The following ROBO2 variants were observed in gnomAD, a reference collection of about 807,000 sequenced individuals.
ROBO2 encodes the protein roundabout homolog 2.
In ROBO2, 53 loss-of-function variants were observed where a neutral mutation model predicts 160.8. The ratio of observed to expected loss-of-function variants is 0.33; its 90% CI spans 0.26 to 0.41. The LOEUF (loss-of-function observed/expected upper bound fraction) is 0.41. Ranked by LOEUF, ROBO2 falls within the 10% of genes least tolerant of loss-of-function variation. ROBO2 has a pLI of 1.00. For missense variants in ROBO2, 1,577 were observed against 1,722.4 expected (o/e 0.92, Z 1.49); for synonymous variants, 664 against 611.7 (o/e 1.09, Z -1.26).
chr3:76,472,863 C>T (rs1236591366), intron 2 of ROBO2, among the ~76,000 whole-genome samples: 1 of 152,088 alleles, frequency 6.6e-6, no homozygotes, highest in South Asian at 2.1e-4. Flanking sequence ...TAGATGTGAT[C>T]GCTGGGACAG....
chr3:75,959,877 G>C (rs1948849789), intron 2 of ROBO2, among the ~76,000 whole-genome samples: 2 of 151,512 alleles, frequency 1.3e-5, no homozygotes, highest in African/African-American at 2.4e-5. Context: ...ATACAAAATG[G>C]TCAATTATGT....
At chr3:76,489,849 T>G (rs2107504171) in intron 2 of ROBO2, among the ~76,000 whole-genome samples, 1 of 152,182 alleles carries the variant, frequency 6.6e-6, no homozygotes, top group East Asian at 1.9e-4. Flanking sequence ...ATTTTTGCAC[T>G]TATTGAATTA....
rs74328622 is a variant in ROBO2 at position 76,702,641 on chromosome 3, A to C, written c.110-395373A>C. Among the ~76,000 whole-genome samples the C allele has an allele frequency of 1.3e-4, 20 of 152,214 alleles. No homozygotes were observed. In the East Asian group the frequency reaches 3.5e-3, roughly 26 times the overall value. ...TGGTGTGTTGTGATGATAGATGTTG[A>C]ATCGAAGTTTTGTCAAAAACAAAAT... On this transcript the variant is annotated intron_variant, in intron 2 of 26. Coordinates refer to the ROBO2 transcript ENST00000487694.
intron 2 of ROBO2, among the ~76,000 whole-genome samples, chr3:76,511,291 G>C (rs1299242245): frequency 6.6e-6 from 1 of 152,096 alleles, no homozygotes; most frequent in Non-Finnish European, 1.5e-5. Flanking sequence ...TTTCTTTCCA[G>C]TTCATTGTTA....
At chr3:77,244,924 A>G (rs1302802393) in intron 2 of ROBO2, among the ~76,000 whole-genome samples, 1 of 145,402 alleles carries the variant, frequency 6.9e-6, no homozygotes, top group Non-Finnish European at 1.5e-5. Context: ...GAAAATCCCA[A>G]CTGAAGTATA....
At chr3:76,434,286 G>A in intron 2 of ROBO2, 1 of 1,015,054 alleles carries the variant, frequency 9.9e-7, no homozygotes, top group Non-Finnish European at 1.6e-6. Flanking sequence ...TCAACAGCCA[G>A]CAGATAATAA....
intron 2 of ROBO2, among the ~76,000 whole-genome samples, chr3:77,201,633 C>T (rs543946769): frequency 6.6e-6 from 1 of 152,208 alleles, no homozygotes; most frequent in East Asian, 1.9e-4. Context: ...GGTCTGTTTC[C>T]TTTCACTGTA....
chr3:77,206,740 T>C (rs1328505425), intron 2 of ROBO2, among the ~76,000 whole-genome samples: 1 of 152,184 alleles, frequency 6.6e-6, no homozygotes, highest in Non-Finnish European at 1.5e-5. Context: ...TTAGTAGTAC[T>C]CTCATCAGAA....
intron 2 of ROBO2, among the ~76,000 whole-genome samples, chr3:76,165,141 T>C (rs1251018727): frequency 6.6e-6 from 1 of 152,210 alleles, no homozygotes; most frequent in Non-Finnish European, 1.5e-5. Flanking sequence ...AAGTACTAGA[T>C]GGAATCTTCT....
chr3:77,487,193 G>GTCT (rs1428564878), intron 4 of ROBO2, among the ~76,000 whole-genome samples: 2 of 152,062 alleles, frequency 1.3e-5, no homozygotes, highest in Non-Finnish European at 2.9e-5. Flanking sequence ...GTAGCATGTG[G>GTCT]TATAAGAACA....
At chr3:77,227,523 G>C (rs990608742) in intron 2 of ROBO2, among the ~76,000 whole-genome samples, 3 of 152,194 alleles carry the variant, frequency 2.0e-5, no homozygotes, top group Admixed American at 6.5e-5. Context: ...TAATGCACTT[G>C]AAGAAACACC....
In ROBO2 at chr3:76,973,496, A is replaced by G. The variant is rs552708790; in HGVS notation, c.110-124518A>G. 2.6e-5 allele frequency among the ~76,000 whole-genome samples: 4 copies of G among 152,222 alleles called. No individual in the cohort carries two copies. The East Asian group carries it at 7.7e-4, about 29-fold the overall frequency. ...TAATTATAATATTCATATCATTATT[A>G]TTAAACTAAATGAATAATATAATCA... On this transcript the variant is annotated intron_variant, in intron 2 of 26. Transcript: ENST00000487694.
intron 2 of ROBO2, among the ~76,000 whole-genome samples, chr3:77,443,458 C>T (rs2080155043): frequency 3.9e-5 from 6 of 152,006 alleles, no homozygotes; most frequent in Admixed American, 3.3e-4. Context: ...TTAAGTAGTG[C>T]AGTTCTAGTA....
At chr3:77,362,506 G>A (rs1029055527) in intron 2 of ROBO2, among the ~76,000 whole-genome samples, 2 of 152,068 alleles carry the variant, frequency 1.3e-5, no homozygotes, top group South Asian at 4.2e-4. Flanking sequence ...CTGTGGTGGA[G>A]GATTCTTGCT....
At chr3:76,559,209 A>G (rs1448769584) in intron 2 of ROBO2, among the ~76,000 whole-genome samples, 1 of 152,140 alleles carries the variant, frequency 6.6e-6, no homozygotes, top group East Asian at 1.9e-4. Flanking sequence ...TTGTATGTCA[A>G]TAAACAATGG....
chr3:76,674,700 A>T (rs2092362539), intron 2 of ROBO2, among the ~76,000 whole-genome samples: 2 of 151,870 alleles, frequency 1.3e-5, no homozygotes, highest in Admixed American at 1.3e-4. Context: ...TGTGTTTAAA[A>T]ACCAGATTCT....
chr3:76,824,005 T>C (rs2066350995), intron 2 of ROBO2, among the ~76,000 whole-genome samples: 1 of 152,142 alleles, frequency 6.6e-6, no homozygotes, highest in African/African-American at 2.4e-5. Flanking sequence ...CTGGTTTGTA[T>C]GGCAGCTCTG....
In ROBO2 at chr3:76,260,423, A is replaced by G. The variant is rs1706670545; in HGVS notation, c.109+322821A>G. Among the ~76,000 whole-genome samples, 4 of 152,164 alleles carry G rather than the reference A, an allele frequency of 2.6e-5. No individual in the cohort carries two copies. The South Asian group carries it at 8.3e-4, about 32-fold the overall frequency. ...GATCGGTGATATTACCAACATCTAC[A>G]GAGGTCAAATTTGAGGAAGACTAAA... is the stretch of plus-strand genomic sequence containing the variant. On this transcript the variant is annotated intron_variant, in intron 2 of 26. Coordinates refer to the ROBO2 transcript ENST00000487694.
chr3:76,269,659 A>G (rs1707312716), intron 2 of ROBO2, among the ~76,000 whole-genome samples: 1 of 151,878 alleles, frequency 6.6e-6, no homozygotes. Flanking sequence ...TATCTTTTAT[A>G]TAACTAAAAA....
Sources: allele counts gnomAD v4.1 joint callset (sites outside exome capture counted in the v4.1 genomes callset), GRCh38; gene constraint gnomAD v4.1.1; transcripts MANE v1.5; gene names NCBI Gene and HGNC (gene_info 2026-07-23, HGNC 2026-07-21).